Variants in GABRA3 observed in about 807,000 individuals in gnomAD.
GABRA3 encodes gamma-aminobutyric acid receptor subunit alpha-3.
Under a neutral mutation model 30.1 loss-of-function variants are expected in GABRA3, and 10 were observed. The observed-to-expected ratio is 0.33, with a 90% CI of 0.20 to 0.56. The LOEUF is 0.56. Among genes scored for constraint, GABRA3 ranks in the 20% least tolerant of loss-of-function variants. GABRA3 has a pLI of 0.89. For synonymous variants in GABRA3, 151 were observed against 146.8 expected, an observed-to-expected ratio of 1.03 and a Z score of -0.21; for missense variants, 233 against 392.0, an observed-to-expected ratio of 0.59 and a Z score of 3.42.
chrX:152,180,071 T>C (rs1937125186), intron 9 of GABRA3, among the ~76,000 whole-genome samples: 1 of 111,999 alleles, frequency 8.9e-6, no homozygotes, highest in South Asian at 3.7e-4. Context: ...TCTTTGGATA[T>C]ATACCCAGTA....
chrX:152,406,192 A>C (rs957612002), intron 1 of GABRA3, among the ~76,000 whole-genome samples: 10 of 110,719 alleles, frequency 9.0e-5, no homozygotes, highest in Non-Finnish European at 7.6e-5. Context: ...AACAACCAGA[A>C]AACAAACGAC....
intron 9 of GABRA3, among the ~76,000 whole-genome samples, chrX:152,174,420 G>T (rs924122103): frequency 1.8e-5 from 2 of 111,986 alleles, no homozygotes; most frequent in East Asian, 2.8e-4. Flanking sequence ...GTGTAAAAGT[G>T]TTCCTATTTC....
chrX:152,432,956 C>A, intron 1 of GABRA3, among the ~76,000 whole-genome samples: 1 of 109,529 alleles, frequency 9.1e-6, no homozygotes, highest in Admixed American at 9.7e-5. Context: ...TTCACAGTTC[C>A]AAAAAAGATG....
intron 2 of GABRA3, among the ~76,000 whole-genome samples, chrX:152,354,909 T>C (rs1940527123): frequency 8.9e-6 from 1 of 111,996 alleles, no homozygotes; most frequent in African/African-American, 3.2e-5. Flanking sequence ...GATTCTTTAA[T>C]AGAAATTACA....
At chrX:152,303,184 A>T (rs763442097) in intron 3 of GABRA3, among the ~76,000 whole-genome samples, 1 of 112,430 alleles carries the variant, frequency 8.9e-6, no homozygotes, top group East Asian at 2.8e-4. Flanking sequence ...ATTAATTTGC[A>T]TTCCCACCAA....
intron 1 of GABRA3, among the ~76,000 whole-genome samples, chrX:152,414,657 A>G (rs769345489): frequency 3.5e-4 from 39 of 110,755 alleles, no homozygotes; most frequent in Non-Finnish European, 4.7e-4. Flanking sequence ...TACTTTTACC[A>G]TATGATCCAG....
intron 3 of GABRA3, among the ~76,000 whole-genome samples, chrX:152,340,523 G>T (rs892749157): frequency 8.9e-6 from 1 of 111,821 alleles, no homozygotes; most frequent in African/African-American, 3.2e-5. Flanking sequence ...AGATCTGCTG[G>T]TGATGAATCT....
At chrX:152,227,222 T>G (rs1326658775) in intron 5 of GABRA3, among the ~76,000 whole-genome samples, 17 of 107,924 alleles carry the variant, frequency 1.6e-4, no homozygotes, top group East Asian at 3.0e-4. Flanking sequence ...ATGAGTTCAT[T>G]TCCTTTGTAG....
intron 4 of GABRA3, among the ~76,000 whole-genome samples, chrX:152,269,194 T>G (rs1328562545): frequency 8.9e-6 from 1 of 111,796 alleles, no homozygotes; most frequent in African/African-American, 3.2e-5. Flanking sequence ...ACAGTAACAT[T>G]TATATATGCC....
intron 5 of GABRA3, among the ~76,000 whole-genome samples, chrX:152,244,396 T>C (rs996747533): frequency 8.9e-6 from 1 of 111,843 alleles, no homozygotes; most frequent in African/African-American, 3.3e-5. Flanking sequence ...GAGGGCTCTG[T>C]CCTCTTGAAT....
intron 3 of GABRA3, among the ~76,000 whole-genome samples, chrX:152,288,006 T>C (rs1939328397): frequency 9.0e-6 from 1 of 111,536 alleles, no homozygotes; most frequent in Non-Finnish European, 1.9e-5. Context: ...GCCTTTTCAA[T>C]GAAAGTGAAC....
At chrX:152,429,417 C>T (rs900476497) in intron 1 of GABRA3, among the ~76,000 whole-genome samples, 4 of 110,661 alleles carry the variant, frequency 3.6e-5, no homozygotes, top group Middle Eastern at 4.3e-3. Flanking sequence ...CATAAAAATG[C>T]GAATCAGATT....
intron 5 of GABRA3, among the ~76,000 whole-genome samples, chrX:152,246,177 A>G (rs1181408703): frequency 9.0e-6 from 1 of 110,790 alleles, no homozygotes; most frequent in Non-Finnish European, 1.9e-5. Context: ...CAGAGTTTCT[A>G]CTCTGTCTAG....
rs1335148880 is a variant in GABRA3 at position 152,171,335 on chromosome X, A to AT, written c.1144-2773dup. Reference sequence around the variant, plus strand: ...GAAGCAGCAATCACGTTAATCACAGATTTTTTAAGTAGTAAGGGAAAATTA... The same window carrying AT: ...GAAGCAGCAATCACGTTAATCACAGATTTTTTTAAGTAGTAAGGGAAAATTA... On this transcript the variant is annotated intron_variant, in intron 9 of 9. Coordinates refer to ENST00000370314, the MANE Select transcript of GABRA3 (RefSeq NM_000808.4). 4 of 446,458 alleles carry AT rather than the reference A, an allele frequency of 9.0e-6. No homozygotes were observed. The Admixed American group carries it at 2.8e-4, about 31-fold the overall frequency. The allele number at this position is 446,458 out of a possible 1,213,427, so 36.8% of individuals were successfully genotyped here.
At chrX:152,180,118 AT>A (rs981434037) in intron 9 of GABRA3, among the ~76,000 whole-genome samples, 1 of 111,262 alleles carries the variant, frequency 9.0e-6, no homozygotes, top group Non-Finnish European at 1.9e-5. Flanking sequence ...TCTATTTTTA[AT>A]TTTTTCAGGA....
intron 1 of GABRA3, among the ~76,000 whole-genome samples, chrX:152,410,030 A>T (rs750502400): frequency 6.2e-5 from 7 of 112,632 alleles, no homozygotes; most frequent in Admixed American, 9.4e-5. Flanking sequence ...TATTTGTCAT[A>T]AAAAAGAATG....
intron 5 of GABRA3, among the ~76,000 whole-genome samples, chrX:152,237,945 C>T (rs1938262461): frequency 1.8e-5 from 2 of 110,850 alleles, no homozygotes; most frequent in Admixed American, 9.6e-5. Context: ...CAAACAGGGA[C>T]AATTTGACTC....
In GABRA3 at chrX:152,172,024, C is replaced by T. The variant is rs1466352256; in HGVS notation, c.1144-3461G>A. 4.5e-5 allele frequency among the ~76,000 whole-genome samples: 5 copies of T among 111,656 alleles called. No individual in the cohort carries two copies. The Admixed American group carries it at 4.8e-4, about 11-fold the overall frequency. On this transcript the variant is annotated intron_variant, in intron 9 of 9. Coordinates refer to ENST00000370314, the MANE Select transcript of GABRA3 (RefSeq NM_000808.4). ...CTCTGTGTCAACCCCCTTGCAGGTG[C>T]TCAGCTTTTCTGAGCCCATTTCCAG... is the stretch of plus-strand genomic sequence containing the variant.
intron 3 of GABRA3, among the ~76,000 whole-genome samples, chrX:152,285,998 G>A (rs1229211144): frequency 9.5e-6 from 1 of 105,011 alleles, no homozygotes; most frequent in Non-Finnish European, 1.9e-5. Context: ...ATTGTGGGGA[G>A]ACAAAAACAT....
Sources: allele counts gnomAD v4.1 joint callset (sites outside exome capture counted in the v4.1 genomes callset), GRCh38; gene constraint gnomAD v4.1.1; transcripts MANE v1.5; gene names NCBI Gene and HGNC (gene_info 2026-07-23, HGNC 2026-07-21).